Variants in SMAD2 observed in about 807,000 individuals in gnomAD.
SMAD2 encodes the protein MAD homolog 2.
SMAD2 carries 8 observed loss-of-function variants against 64.4 expected under a neutral mutation model. The ratio of observed to expected loss-of-function variants is 0.12; its 90% CI spans 0.07 to 0.22. The LOEUF (loss-of-function observed/expected upper bound fraction) is 0.22. Ranked by LOEUF, SMAD2 falls within the 10% of genes least tolerant of loss-of-function variation. The pLI, the probability that SMAD2 is intolerant of heterozygous loss-of-function variation, is 1.00. For missense variants in SMAD2, 289 were observed against 561.2 expected, an observed-to-expected ratio of 0.51 and a Z score of 4.90; for synonymous variants, 203 against 195.8, an observed-to-expected ratio of 1.04 and a Z score of -0.31.
At chr18:47,915,863 T>C (rs1315079912) in intron 1 of SMAD2, among the ~76,000 whole-genome samples, 1 of 152,238 alleles carries the variant, frequency 6.6e-6, no homozygotes, top group African/African-American at 2.4e-5. Context: ...CTATTAATTT[T>C]ACCTGTTCCA....
Position 47,870,463 on chromosome 18 carries a change from C to T in SMAD2, c.326+12G>A. ...AAGATCTCTAAGATTCGACAGAGGG[C>T]AGAATATTCACCTGGTTTGTTCAGA... On this transcript the variant is annotated intron_variant, in intron 3 of 10. Coordinates refer to ENST00000262160, the MANE Select transcript of SMAD2 (RefSeq NM_005901.6). 1 of 1,588,666 alleles carries T rather than the reference C, an allele frequency of 6.3e-7. No homozygotes were observed. The highest frequency in any genetic ancestry group is 8.6e-7 in the Non-Finnish European group (1 of 1,156,924).
At chr18:47,861,877 T>C (rs1433173770) in intron 6 of SMAD2, among the ~76,000 whole-genome samples, 1 of 152,242 alleles carries the variant, frequency 6.6e-6, no homozygotes, top group Non-Finnish European at 1.5e-5. Flanking sequence ...AGATGCCTTA[T>C]AAATATCAGT....
rs768164185 is a variant in SMAD2, at chr18:47,845,276, T to C, written c.1280+64A>G. On this transcript the variant is annotated intron_variant, in intron 10 of 10. Transcript: ENST00000262160. The stretch of plus-strand genomic sequence containing the variant: ...ATAGATACAAATGAACTCCAGAATA[T>C]GCAAGAATGCAATGAAACATAATTA... The C allele has an allele frequency of 1.8e-5, 25 of 1,422,090 alleles. No individual in the cohort carries two copies. The Middle Eastern group carries it at 2.6e-3, about 149-fold the overall frequency. 88.1% of individuals were successfully genotyped at this position (1,422,090 alleles called of 1,614,324 possible).
chr18:47,874,523 C>T (rs541012716), intron 2 of SMAD2, among the ~76,000 whole-genome samples: 2 of 152,046 alleles, frequency 1.3e-5, no homozygotes, highest in African/African-American at 4.8e-5. Context: ...TGCACTTCAC[C>T]TATAAAAAAT....
At chr18:47,882,041 CTTTTTTTTTTTTT>C (rs71162900) in intron 2 of SMAD2, among the ~76,000 whole-genome samples, 3 of 38,850 alleles carry the variant, frequency 7.7e-5, no homozygotes, top group African/African-American at 3.0e-4. Flanking sequence ...CCACGCTTGG[CTTTTTTTTTTTTT>C]TTTTTTTTTT....
chr18:47,924,860 G>C (rs937549647), intron 1 of SMAD2, among the ~76,000 whole-genome samples: 9 of 152,180 alleles, frequency 5.9e-5, no homozygotes, highest in African/African-American at 2.2e-4. Context: ...AGAATTTCTG[G>C]AAGTAGCTGA....
At chr18:47,872,054 T>C (rs1598808944) in intron 2 of SMAD2, among the ~76,000 whole-genome samples, 1 of 152,226 alleles carries the variant, frequency 6.6e-6, no homozygotes, top group African/African-American at 2.4e-5. Flanking sequence ...TGTACTTTAT[T>C]TAATCCTTGA....
At chr18:47,864,173 C>T (rs191555288) in intron 6 of SMAD2, among the ~76,000 whole-genome samples, 58 of 152,176 alleles carry the variant, frequency 3.8e-4, no homozygotes, top group Admixed American at 7.8e-4. Context: ...TTATTTCCAA[C>T]GTTCATTAGA....
intron 10 of SMAD2, chr18:47,845,118 C>T (rs919999867): frequency 6.6e-5 from 41 of 623,386 alleles, no homozygotes; most frequent in African/African-American, 2.9e-4. Flanking sequence ...CTCTGAATTA[C>T]GTTAAAATGC....
chr18:47,850,035 G>C (rs1914949059), intron 7 of SMAD2, among the ~76,000 whole-genome samples: 1 of 149,024 alleles, frequency 6.7e-6, no homozygotes, highest in Non-Finnish European at 1.5e-5. Context: ...AATACAATTT[G>C]TATTAGTTTT....
At chr18:47,928,252 C>T (rs2034847665) in intron 1 of SMAD2, among the ~76,000 whole-genome samples, 1 of 152,118 alleles carries the variant, frequency 6.6e-6, no homozygotes, top group Non-Finnish European at 1.5e-5. Context: ...AAGCACAAAA[C>T]CAACAGAATC....
At chr18:47,873,007 G>A (rs1012898949) in intron 2 of SMAD2, among the ~76,000 whole-genome samples, 17 of 142,956 alleles carry the variant, frequency 1.2e-4, no homozygotes, top group African/African-American at 3.4e-4. Flanking sequence ...GACTATAGGC[G>A]TGTGTCACCA....
chr18:47,914,571 G>A (rs2034264264), intron 1 of SMAD2, among the ~76,000 whole-genome samples: 1 of 152,122 alleles, frequency 6.6e-6, no homozygotes. Flanking sequence ...GGTTTTAAGA[G>A]GTGAGACAGT....
intron 1 of SMAD2, among the ~76,000 whole-genome samples, chr18:47,921,283 T>C (rs2034548813): frequency 6.6e-6 from 1 of 152,200 alleles, no homozygotes; most frequent in Admixed American, 6.5e-5. Flanking sequence ...ATGTGACCAC[T>C]TGTACTAAAA....
chr18:47,921,956 A>C (rs2034578515), intron 1 of SMAD2, among the ~76,000 whole-genome samples: 1 of 152,240 alleles, frequency 6.6e-6, no homozygotes, highest in African/African-American at 2.4e-5. Context: ...AATAACAGCA[A>C]ACACTGAAGA....
chr18:47,850,243 ATATTATATAT>A (rs1394163525), intron 7 of SMAD2, among the ~76,000 whole-genome samples: 5 of 88,754 alleles, frequency 5.6e-5, no homozygotes, highest in African/African-American at 2.6e-4. Flanking sequence ...TATATATTAT[ATATTATATAT>A]ATTATGTATA....
Position 47,819,860 on chromosome 18 carries a change from T to A in SMAD2, c.*21967A>T, listed in dbSNP as rs1001902787. ...CGGGATAAGCAAGGGTGAGACATGGTGGTATGCAGGTATGCATCTATAGTT... is the reference window on the plus strand; with the variant it reads ...CGGGATAAGCAAGGGTGAGACATGGAGGTATGCAGGTATGCATCTATAGTT... On this transcript the variant is annotated 3_prime_UTR_variant, in exon 11 of 11. Coordinates refer to ENST00000262160, the MANE Select transcript of SMAD2 (RefSeq NM_005901.6). 6.8e-6 allele frequency: 1 copy of A among 147,026 alleles called. No individual in the cohort carries two copies. The highest frequency in any genetic ancestry group is 1.5e-5 in the Non-Finnish European group (1 of 67,230). 9.1% of individuals were successfully genotyped at this position (147,026 alleles called of 1,614,324 possible).
rs935097635 is a variant in SMAD2 at position 47,833,616 on chromosome 18, T to C, written c.*8211A>G. On this transcript the variant is annotated 3_prime_UTR_variant, in exon 11 of 11. Coordinates refer to ENST00000262160, the MANE Select transcript of SMAD2 (RefSeq NM_005901.6). ...ATCTCACCTCACGTGCTCAATGTTCTAGCTGGTAAGCACCTTATGAGTATG... is the reference window on the plus strand; with the variant it reads ...ATCTCACCTCACGTGCTCAATGTTCCAGCTGGTAAGCACCTTATGAGTATG... The C allele has an allele frequency of 8.7e-6, 2 of 231,180 alleles. No individual in the cohort carries two copies. The highest frequency in any genetic ancestry group is 1.7e-5 in the Non-Finnish European group (2 of 116,614). The allele number at this position is 231,180 out of a possible 1,614,324, so 14.3% of individuals were successfully genotyped here. A position where few individuals can be genotyped will look rare whatever the true frequency, so the allele number is the denominator to read the frequency against.
intron 1 of SMAD2, among the ~76,000 whole-genome samples, chr18:47,928,788 T>C (rs139118905): frequency 0.012 from 1,823 of 152,272 alleles, 13 homozygotes; most frequent in African/African-American, 0.018. Flanking sequence ...CTAAGAGCAA[T>C]TTCTTACTAA....
Sources: gnomAD v4.1 joint callset for allele counts (sites outside exome capture counted in the v4.1 genomes callset) on GRCh38, gnomAD v4.1.1 for gene constraint, MANE v1.5 for transcripts, NCBI Gene and HGNC (gene_info 2026-07-23, HGNC 2026-07-21) for gene names.